INPP5D: variants seen among roughly 807,000 people sequenced by gnomAD.
INPP5D encodes the protein inositol polyphosphate-5-phosphatase D.
Under a neutral mutation model 122.9 loss-of-function variants are expected in INPP5D, and 33 were observed. The ratio of observed to expected loss-of-function variants is 0.27; its 90% CI spans 0.20 to 0.36. INPP5D has a LOEUF of 0.36. INPP5D is among the 10% of genes least tolerant of loss of function. INPP5D has a pLI of 1.00. For missense variants in INPP5D, 1,053 were observed against 1,412.7 expected (o/e 0.75, Z 4.08); for synonymous variants, 584 against 576.2 (o/e 1.01, Z -0.19).
rs189275635 is a variant in INPP5D, at chr2:233,149,156, T to C, written c.1030+1562T>C. Among the ~76,000 whole-genome samples the C allele has an allele frequency of 4.1e-3, 591 of 143,746 alleles. 8 individuals are homozygous for C. Among genetic ancestry groups the C allele is most frequent in the African/African-American group, 0.014 (539 of 38,242 alleles). 94.3% of individuals were successfully genotyped at this position (143,746 alleles called of 152,430 possible). On this transcript the variant is annotated intron_variant, in intron 9 of 26. Coordinates refer to ENST00000445964, the MANE Select transcript of INPP5D (RefSeq NM_001017915.3). ...TCTCGCTCTATCACCCAGACTGGAG[T>C]GCAGTGCCACGATCTTGGCTCACTG...
rs373774645 is a variant in INPP5D, at chr2:233,103,837, G to C, written c.199-18270G>C. Among the ~76,000 whole-genome samples the C allele has an allele frequency of 6.1e-3, 915 of 149,374 alleles. 9 individuals are homozygous for C. The highest frequency in any genetic ancestry group is 0.022 in the African/African-American group (887 of 40,366). ...TTCTCCTGCCTCAGCCTCCCGAGTA[G>C]CTGGGATTACAGGCATGTACCACCA... is the stretch of plus-strand genomic sequence containing the variant. On this transcript the variant is annotated intron_variant, in intron 2 of 26. Coordinates refer to ENST00000445964, the MANE Select transcript of INPP5D (RefSeq NM_001017915.3).
intron 6 of INPP5D, chr2:233,140,502 A>C (rs1475053747): frequency 6.6e-6 from 1 of 152,248 alleles, no homozygotes; most frequent in East Asian, 1.9e-4. Context: ...CGAAGTATTC[A>C]TGTTTATATT....
chr2:233,073,060 A>T (rs1007806551), intron 1 of INPP5D, among the ~76,000 whole-genome samples: 5 of 152,178 alleles, frequency 3.3e-5, no homozygotes, highest in African/African-American at 1.2e-4. Context: ...GGTCAGTGGA[A>T]CAAATCAGCC....
chr2:233,067,399 A>G (rs1691259976), intron 1 of INPP5D, among the ~76,000 whole-genome samples: 1 of 152,252 alleles, frequency 6.6e-6, no homozygotes, highest in Non-Finnish European at 1.5e-5. Flanking sequence ...CTGACTAATG[A>G]GCCACTGTAT....
chr2:233,186,417 C>G (rs953927675), intron 21 of INPP5D, among the ~76,000 whole-genome samples: 1 of 152,084 alleles, frequency 6.6e-6, no homozygotes, highest in African/African-American at 2.4e-5. Flanking sequence ...ACGAAGTACT[C>G]GACATGTCTG....
At chr2:233,195,523 G>A (rs142933644) in intron 24 of INPP5D, 28 bp downstream of exon 24, 15 of 1,612,708 alleles carry the variant, frequency 9.3e-6, no homozygotes, top group East Asian at 2.2e-5. Flanking sequence ...TGGGTGTTGG[G>A]GGGGGTGGAT....
At position 233,114,937 on chromosome 2, in the gene INPP5D, G is replaced by A. The variant is rs376664234; in HGVS notation, c.199-7170G>A. ...GGCTGGACTGCAATGGCACAATCTCGGCTCACCACAACCTCTGCCTCCCAG... is the reference window on the plus strand; with the variant it reads ...GGCTGGACTGCAATGGCACAATCTCAGCTCACCACAACCTCTGCCTCCCAG... On this transcript the variant is annotated intron_variant, in intron 2 of 26. Coordinates refer to ENST00000445964, the MANE Select transcript of INPP5D (RefSeq NM_001017915.3). Among the ~76,000 whole-genome samples the A allele has an allele frequency of 3.0e-4, 46 of 151,612 alleles. No homozygotes were observed. The South Asian group carries it at 7.5e-3, about 25-fold the overall frequency.
intron 2 of INPP5D, among the ~76,000 whole-genome samples, chr2:233,083,460 T>C (rs1367110120): frequency 6.6e-6 from 1 of 152,118 alleles, no homozygotes; most frequent in African/African-American, 2.4e-5. Flanking sequence ...CTGCTTTTCC[T>C]GGTTGGGGGA....
At chr2:233,117,359 C>T (rs1315048654) in intron 2 of INPP5D, among the ~76,000 whole-genome samples, 7 of 152,190 alleles carry the variant, frequency 4.6e-5, no homozygotes, top group Non-Finnish European at 8.8e-5. Context: ...ATGGCCTTCA[C>T]GTGCTGAGCA....
At chr2:233,172,930 TG>T (rs1034542131) in intron 17 of INPP5D, among the ~76,000 whole-genome samples, 5 of 152,146 alleles carry the variant, frequency 3.3e-5, no homozygotes, top group African/African-American at 1.2e-4. Flanking sequence ...AAAAATGGGC[TG>T]GGGGCAGCGG....
At chr2:233,070,704 G>A (rs1691356613) in intron 1 of INPP5D, among the ~76,000 whole-genome samples, 1 of 152,042 alleles carries the variant, frequency 6.6e-6, no homozygotes, top group African/African-American at 2.4e-5. Flanking sequence ...GCCTCCCAAA[G>A]TGCTGGGATT....
At chr2:233,166,078 C>G (rs1355071640) in intron 13 of INPP5D, among the ~76,000 whole-genome samples, 2 of 152,156 alleles carry the variant, frequency 1.3e-5, no homozygotes, top group East Asian at 1.9e-4. Context: ...CGCGTCCACC[C>G]CCACTCGTCC....
chr2:233,067,749 T>C (rs1691266496), intron 1 of INPP5D, among the ~76,000 whole-genome samples: 1 of 152,198 alleles, frequency 6.6e-6, no homozygotes, highest in African/African-American at 2.4e-5. Flanking sequence ...TGATGTCTTA[T>C]TGTGGTTTTA....
chr2:233,136,465 C>T (rs560464589), intron 5 of INPP5D, among the ~76,000 whole-genome samples: 28 of 146,450 alleles, frequency 1.9e-4, no homozygotes, highest in African/African-American at 6.2e-4. Flanking sequence ...GATGACAGAG[C>T]GAGACCGCGT....
Position 233,096,869 on chromosome 2 carries a change from G to A in INPP5D, c.198+17471G>A, listed in dbSNP as rs147071051. ...TGTTTTTAAACATTGTTTATGGTGC[G>A]TTTTGTCATGTGGAAGTTTAAAACC... is the stretch of plus-strand genomic sequence containing the variant. On this transcript the variant is annotated intron_variant, in intron 2 of 26. Transcript: ENST00000445964. 8.5e-5 allele frequency among the ~76,000 whole-genome samples: 13 copies of A among 152,126 alleles called. No homozygotes were observed. In the East Asian group the frequency reaches 1.3e-3, roughly 16 times the overall value.
intron 1 of INPP5D, among the ~76,000 whole-genome samples, chr2:233,061,952 G>A (rs906174915): frequency 6.6e-6 from 1 of 152,224 alleles, no homozygotes; most frequent in Admixed American, 6.5e-5. Context: ...GCTGGTCGCT[G>A]GCCTGTGCTG....
Position 233,189,696 on chromosome 2 carries a change from G to C in INPP5D, c.2359-154G>C, listed in dbSNP as rs965122403. Among the ~76,000 whole-genome samples, 4 of 152,134 alleles carry C rather than the reference G, an allele frequency of 2.6e-5. No individual in the cohort carries two copies. Among genetic ancestry groups the C allele is most frequent in the African/African-American group, 9.7e-5 (4 of 41,424 alleles). On this transcript the variant is annotated intron_variant, in intron 21 of 26. Transcript: ENST00000445964. The surrounding 1 kb of genome is among the most constrained non-coding windows in gnomAD (Gnocchi z 5.6). ...CTTGCTGGACAGGGTGTATGTGAAAGCTATACCCCACCTGCTCTCTTGGGT... is the reference window on the plus strand; with the variant it reads ...CTTGCTGGACAGGGTGTATGTGAAACCTATACCCCACCTGCTCTCTTGGGT...
chr2:233,079,459 G>T, intron 2 of INPP5D, 61 bp downstream of exon 2: 1 of 1,086,592 alleles, frequency 9.2e-7, no homozygotes. Context: ...GCAGAGAAAG[G>T]GTGTAAACGA....
rs1559291002 is a variant in INPP5D, at chr2:233,100,425, G to A, written c.198+21027G>A. 6.6e-6 allele frequency among the ~76,000 whole-genome samples: 1 copy of A among 152,172 alleles called. No homozygotes were observed. Among genetic ancestry groups the A allele is most frequent in the African/African-American group, 2.4e-5 (1 of 41,444 alleles). On this transcript the variant is annotated intron_variant, in intron 2 of 26. Transcript: ENST00000445964. This position sits in a 1 kb window ranked among gnomAD's most constrained non-coding sequence, Gnocchi z 5.3. ...CCTCTCCTCACAGATCATGCTGTTA[G>A]TAATCTCATCTAGCCTCTTGCCTGG...
Sources: allele counts gnomAD v4.1 joint callset (sites outside exome capture counted in the v4.1 genomes callset), GRCh38; gene constraint gnomAD v4.1.1; non-coding constraint Gnocchi (gnomAD v3.1); transcripts MANE v1.5; gene names NCBI Gene and HGNC (gene_info 2026-07-23, HGNC 2026-07-21).